Variants in IQCH observed in about 807,000 individuals in gnomAD.
IQCH encodes IQ motif containing H.
In IQCH, 98 loss-of-function variants were observed where a neutral mutation model predicts 117.0. The observed-to-expected ratio is 0.84, with a 90% confidence interval of 0.71 to 0.99. The LOEUF is 0.99. IQCH is among the 50% of genes least tolerant of loss of function. IQCH has a pLI of 0.00. For missense variants in IQCH, 1,102 were observed against 1,243.8 expected, an observed-to-expected ratio of 0.89 and a Z score of 1.72; for synonymous variants, 412 against 448.2, an observed-to-expected ratio of 0.92 and a Z score of 1.02.
chr15:67,469,448 C>T (rs1295076737), intron 17 of IQCH, among the ~76,000 whole-genome samples: 1 of 152,198 alleles, frequency 6.6e-6, no homozygotes, highest in African/African-American at 2.4e-5. Flanking sequence ...GGGCCCATCC[C>T]TCTATACTAC....
At chr15:67,418,553 A>ACACACACAC (rs66695451) in intron 15 of IQCH, among the ~76,000 whole-genome samples, 24 of 148,874 alleles carry the variant, frequency 1.6e-4, no homozygotes, top group Non-Finnish European at 2.2e-4. Flanking sequence ...ACACACACAC[A>ACACACACAC]AGATCAATAA....
intron 16 of IQCH, among the ~76,000 whole-genome samples, chr15:67,450,507 T>A (rs1596402028): frequency 6.6e-6 from 1 of 152,354 alleles, no homozygotes; most frequent in East Asian, 1.9e-4. Flanking sequence ...TTGGTTCTGT[T>A]TATATGCTGG....
Position 67,372,241 on chromosome 15 carries a change from G to C in IQCH, c.884G>C (p.Trp295Ser), listed in dbSNP as rs760336160. 1 of 1,613,956 alleles carries C rather than the reference G, an allele frequency of 6.2e-7. No homozygotes were observed. Among genetic ancestry groups the C allele is most frequent in the Admixed American group, 1.7e-5 (1 of 59,992 alleles). ...TTCAAGGAACATTTTAGCTTAGCTT[G>C]GGGAGGTATTTTTTCTCTCTTGGAA... is the stretch of plus-strand genomic sequence containing the variant. ...LAFKEHFSLA[W>S]GGIFSLLEHV... Residue 295 changes from tryptophan to serine, a missense_variant, in exon 9 of 21, where the codon TGG becomes TCG. Transcript: ENST00000335894.
intron 4 of IQCH, among the ~76,000 whole-genome samples, chr15:67,317,002 G>A (rs193225791): frequency 6.6e-6 from 1 of 152,130 alleles, no homozygotes. Context: ...ATAAAAGGCT[G>A]TGTTAACTCA....
intron 4 of IQCH, among the ~76,000 whole-genome samples, chr15:67,301,559 G>A (rs1159705600): frequency 6.6e-6 from 1 of 151,420 alleles, no homozygotes; most frequent in Non-Finnish European, 1.5e-5. Context: ...ACAGGCGCAC[G>A]CTACTACACC....
At position 67,430,978 on chromosome 15, in the gene IQCH, A is replaced by T. The variant is rs140043514; in HGVS notation, c.2505+9401A>T. ...CTACATGCATTCAGACAAGAGAAAG[A>T]TCCCTTCTGTTGGGAGCAATCAAGA... On this transcript the variant is annotated intron_variant, in intron 16 of 20. Coordinates refer to ENST00000335894, the MANE Select transcript of IQCH (RefSeq NM_001031715.3). The surrounding 1 kb of genome is among the most constrained non-coding windows in gnomAD (Gnocchi z 5.1). Among the ~76,000 whole-genome samples the T allele has an allele frequency of 3.9e-5, 6 of 152,326 alleles. No homozygotes were observed. In the East Asian group the frequency reaches 1.2e-3, roughly 29 times the overall value.
chr15:67,442,859 G>GAT (rs1567193214), intron 16 of IQCH, among the ~76,000 whole-genome samples: 88 of 133,168 alleles, frequency 6.6e-4, no homozygotes, highest in African/African-American at 2.6e-3. Flanking sequence ...TAGATAGATA[G>GAT]ATAGATATAC....
Position 67,456,144 on chromosome 15 carries a change from T to C in IQCH, c.2506-8983T>C, listed in dbSNP as rs1037645510. On this transcript the variant is annotated intron_variant, in intron 16 of 20. Transcript: ENST00000335894. The surrounding 1 kb of genome is among the most constrained non-coding windows in gnomAD (Gnocchi z 5.1). ...AGAAAGCAAGAGTATATTAAAAGATTTGTGATTTTTTTTTACAAAGGTGAA... is the reference window on the plus strand; with the variant it reads ...AGAAAGCAAGAGTATATTAAAAGATCTGTGATTTTTTTTTACAAAGGTGAA... Among the ~76,000 whole-genome samples the C allele has an allele frequency of 6.7e-6, 1 of 148,566 alleles. No homozygotes were observed. The highest frequency in any genetic ancestry group is 2.5e-5 in the African/African-American group (1 of 40,602).
At chr15:67,485,475 A>G (rs1386585139) in intron 18 of IQCH, among the ~76,000 whole-genome samples, 1 of 152,076 alleles carries the variant, frequency 6.6e-6, no homozygotes, top group Admixed American at 6.6e-5. Context: ...CCACAAGGAG[A>G]AGAGGGAGTG....
chr15:67,318,126 TC>T (rs1967936671), intron 4 of IQCH, among the ~76,000 whole-genome samples: 1 of 152,202 alleles, frequency 6.6e-6, no homozygotes, highest in Non-Finnish European at 1.5e-5. Context: ...CCTCAGTCCC[TC>T]CACCTAGAGA....
intron 16 of IQCH, among the ~76,000 whole-genome samples, chr15:67,450,635 T>C (rs2082501105): frequency 1.3e-5 from 2 of 149,986 alleles, no homozygotes; most frequent in South Asian, 2.1e-4. Flanking sequence ...CAGTATTTTA[T>C]TGAGGATTTT....
intron 4 of IQCH, among the ~76,000 whole-genome samples, chr15:67,288,523 A>G (rs576342054): frequency 1.3e-5 from 2 of 152,118 alleles, no homozygotes; most frequent in East Asian, 3.9e-4. Flanking sequence ...CTCTTCTTAT[A>G]GTTTTTGTCT....
chr15:67,330,335 T>A (rs1968610182), intron 4 of IQCH, among the ~76,000 whole-genome samples: 1 of 152,216 alleles, frequency 6.6e-6, no homozygotes, highest in Non-Finnish European at 1.5e-5. Flanking sequence ...AGGATTCCTA[T>A]TTTACAGAAG....
At chr15:67,449,988 T>C (rs2082481526) in intron 16 of IQCH, among the ~76,000 whole-genome samples, 1 of 152,198 alleles carries the variant, frequency 6.6e-6, no homozygotes, top group Non-Finnish European at 1.5e-5. Context: ...TTTGAAGCAA[T>C]TGTGAATGGG....
At chr15:67,267,548 T>A (rs959238319) in intron 3 of IQCH, among the ~76,000 whole-genome samples, 1 of 152,194 alleles carries the variant, frequency 6.6e-6, no homozygotes, top group African/African-American at 2.4e-5. Context: ...GGAGTGCCTC[T>A]TGCACTGGGA....
At chr15:67,357,986 G>A (rs1182389085) in intron 7 of IQCH, among the ~76,000 whole-genome samples, 2 of 151,630 alleles carry the variant, frequency 1.3e-5, no homozygotes, top group African/African-American at 4.8e-5. Context: ...AGCCTCCCAG[G>A]TAGCTGGGAT....
At position 67,372,235 on chromosome 15, in the gene IQCH, T is replaced by A; in HGVS notation, c.878T>A (p.Leu293Ter). Residue 293 changes from leucine to a stop codon, truncating the protein, a stop_gained, in exon 9 of 21, where the codon TTA (leucine) becomes TAA (stop). Coordinates refer to ENST00000335894, the MANE Select transcript of IQCH (RefSeq NM_001031715.3). LOFTEE classifies it high-confidence loss of function. ...DFLAFKEHFS[L>*]AWGGIFSLLE... ...TTAGCATTCAAGGAACATTTTAGCT[T>A]AGCTTGGGGAGGTATTTTTTCTCTC... The A allele has an allele frequency of 6.2e-7, 1 of 1,614,088 alleles. No homozygotes were observed. Among genetic ancestry groups the A allele is most frequent in the Non-Finnish European group, 8.5e-7 (1 of 1,179,992 alleles).
Position 67,372,284 on chromosome 15 carries a change from C to G in IQCH, c.927C>G (p.Leu309=), listed in dbSNP as rs756367738. Residue 309 remains leucine, a synonymous_variant, in exon 9 of 21, where the codon CTC becomes CTG. Transcript: ENST00000335894. ...TCTTGGAACACGTCGAGAAGTTTCT[C>G]AGGAACTATGCTATACCAGAAGTCA... ...FSLLEHVEKF[L]RNYAIPEVKI... is the part of the protein sequence containing the mutation. 6.2e-7 allele frequency: 1 copy of G among 1,614,062 alleles called. No homozygotes were observed. Among genetic ancestry groups the G allele is most frequent in the East Asian group, 2.2e-5 (1 of 44,870 alleles).
At chr15:67,344,889 C>CT (rs1456995552) in intron 6 of IQCH, among the ~76,000 whole-genome samples, 4 of 152,112 alleles carry the variant, frequency 2.6e-5, no homozygotes, top group African/African-American at 7.2e-5. Context: ...TATGTGGTCT[C>CT]TAAGAATTGC....
Sources: gnomAD v4.1 joint callset for allele counts (sites outside exome capture counted in the v4.1 genomes callset) on GRCh38, gnomAD v4.1.1 for gene constraint, Gnocchi (gnomAD v3.1) non-coding constraint, MANE v1.5 for transcripts, NCBI Gene and HGNC (gene_info 2026-07-23, HGNC 2026-07-21) for gene names.